The following ELMO1 variants were observed in gnomAD, a reference collection of about 807,000 sequenced individuals.
The protein encoded by ELMO1 is engulfment and cell motility 1.
Under a neutral mutation model 98.9 loss-of-function variants are expected in ELMO1, and 26 were observed. The observed-to-expected ratio is 0.26, with a 90% CI of 0.19 to 0.36. The LOEUF (loss-of-function observed/expected upper bound fraction) is 0.36. Ranked by LOEUF, ELMO1 falls within the 10% of genes least tolerant of loss-of-function variation. ELMO1 has a pLI of 1.00. For missense variants in ELMO1, 627 were observed against 935.2 expected (o/e 0.67, Z 4.30); for synonymous variants, 346 against 346.0 (o/e 1.00, Z 0.00).
chr7:36,945,964 C>T (rs117480627), intron 16 of ELMO1, among the ~76,000 whole-genome samples: 2,409 of 152,284 alleles, frequency 0.016, 29 homozygotes, highest in Admixed American at 0.028. Context: ...TGAAAGGCAT[C>T]GGAGGTAGGT....
chr7:37,059,908 C>A (rs1796580980), intron 15 of ELMO1, among the ~76,000 whole-genome samples: 1 of 152,178 alleles, frequency 6.6e-6, no homozygotes, highest in Non-Finnish European at 1.5e-5. Flanking sequence ...ACACATGGGC[C>A]ACCTGTTGGC....
chr7:37,263,912 C>A (rs1796110935), intron 5 of ELMO1, among the ~76,000 whole-genome samples: 1 of 152,106 alleles, frequency 6.6e-6, no homozygotes, highest in Admixed American at 6.6e-5. Context: ...ATGTAAATAT[C>A]GGAGATGGAT....
chr7:37,063,195 G>A (rs1314963144), intron 15 of ELMO1, among the ~76,000 whole-genome samples: 6 of 152,210 alleles, frequency 3.9e-5, no homozygotes, highest in African/African-American at 1.2e-4. Flanking sequence ...CAAGTCTTAT[G>A]TGATTGTCAT....
intron 15 of ELMO1, among the ~76,000 whole-genome samples, chr7:37,055,044 C>T (rs1330774409): frequency 6.6e-6 from 1 of 152,200 alleles, no homozygotes; most frequent in African/African-American, 2.4e-5. Context: ...TTCTAAAAAG[C>T]TTATCATTTA....
chr7:37,086,328 G>C (rs1783768679), intron 15 of ELMO1, among the ~76,000 whole-genome samples: 1 of 133,906 alleles, frequency 7.5e-6, no homozygotes, highest in South Asian at 2.5e-4. Context: ...AACAATACAT[G>C]ACTGTGTGTG....
intron 15 of ELMO1, among the ~76,000 whole-genome samples, chr7:37,030,135 GGA>G (rs1057189071): frequency 6.6e-6 from 1 of 152,032 alleles, no homozygotes; most frequent in Non-Finnish European, 1.5e-5. Flanking sequence ...TCTTCACTAA[GGA>G]GAGACCATTT....
chr7:37,173,542 G>A (rs1194197608), intron 13 of ELMO1, among the ~76,000 whole-genome samples: 1 of 152,216 alleles, frequency 6.6e-6, no homozygotes, highest in Non-Finnish European at 1.5e-5. Flanking sequence ...CCTAGTCCAT[G>A]CTGCTGTTTC....
intron 16 of ELMO1, among the ~76,000 whole-genome samples, chr7:36,971,864 G>GAATTA (rs1170269062): frequency 6.6e-6 from 1 of 152,090 alleles, no homozygotes; most frequent in Non-Finnish European, 1.5e-5. Flanking sequence ...ACTTTTCCAA[G>GAATTA]AATAAGACAG....
rs370994916 is a variant in ELMO1 at position 36,877,972 on chromosome 7, G to A, written c.1822+38C>T. Reference sequence around the variant, plus strand: ...TATTGTGACTAGGAAACAACCAACCGACCACCACTCAGGCCTCTGCCAAGG... The same window carrying A: ...TATTGTGACTAGGAAACAACCAACCAACCACCACTCAGGCCTCTGCCAAGG... On this transcript the variant is annotated intron_variant, in intron 19 of 21. Coordinates refer to ENST00000310758, the MANE Select transcript of ELMO1 (RefSeq NM_014800.11). 119 of 1,515,998 alleles carry A rather than the reference G, an allele frequency of 7.8e-5. 1 individual carries two copies. In the South Asian group the frequency reaches 8.5e-4, roughly 11 times the overall value. The allele number at this position is 1,515,998 out of a possible 1,614,324, so 93.9% of individuals were successfully genotyped here.
chr7:36,913,887 G>T (rs1346280744), intron 16 of ELMO1, among the ~76,000 whole-genome samples: 1 of 152,140 alleles, frequency 6.6e-6, no homozygotes, highest in Non-Finnish European at 1.5e-5. Flanking sequence ...TATAGGACTT[G>T]GTAGTTCAGA....
chr7:37,173,898 C>G (rs1790343868), intron 13 of ELMO1, among the ~76,000 whole-genome samples: 1 of 152,190 alleles, frequency 6.6e-6, no homozygotes, highest in Admixed American at 6.5e-5. Flanking sequence ...CAAGCCCCAG[C>G]AATTCCAAGA....
intron 16 of ELMO1, among the ~76,000 whole-genome samples, chr7:37,009,608 T>C (rs1793405149): frequency 6.6e-6 from 1 of 151,964 alleles, no homozygotes; most frequent in Non-Finnish European, 1.5e-5. Flanking sequence ...CAAATCAAAA[T>C]TTTAAATTGA....
intron 15 of ELMO1, among the ~76,000 whole-genome samples, chr7:37,040,636 G>A (rs982383794): frequency 1.3e-5 from 2 of 152,148 alleles, no homozygotes; most frequent in South Asian, 2.1e-4. Context: ...TATGTTTCAC[G>A]CACAATGTTA....
intron 4 of ELMO1, among the ~76,000 whole-genome samples, chr7:37,275,464 T>C (rs892909059): frequency 1.3e-5 from 2 of 152,252 alleles, no homozygotes; most frequent in African/African-American, 2.4e-5. Flanking sequence ...GCTCAATTCC[T>C]GCTCTGCTTC....
chr7:37,422,591 G>GT (rs1199503259), intron 1 of ELMO1, among the ~76,000 whole-genome samples: 1 of 152,162 alleles, frequency 6.6e-6, no homozygotes, highest in East Asian at 1.9e-4. Flanking sequence ...AATTTTAAAT[G>GT]TTTTGATGGA....
chr7:37,413,485 T>C (rs1804079652), intron 1 of ELMO1, among the ~76,000 whole-genome samples: 1 of 152,200 alleles, frequency 6.6e-6, no homozygotes, highest in South Asian at 2.1e-4. Context: ...TACCAGTTGG[T>C]ACAACCTGGC....
At chr7:37,039,871 A>C (rs1795401433) in intron 15 of ELMO1, among the ~76,000 whole-genome samples, 2 of 152,250 alleles carry the variant, frequency 1.3e-5, no homozygotes. Context: ...GATCCAGAAT[A>C]ATTAAAAAGT....
intron 13 of ELMO1, among the ~76,000 whole-genome samples, chr7:37,209,175 G>A (rs1792819958): frequency 6.6e-6 from 1 of 152,128 alleles, no homozygotes; most frequent in Non-Finnish European, 1.5e-5. Flanking sequence ...GAATACCCTG[G>A]TCATCTCACA....
chr7:37,255,894 C>T (rs920524967), intron 6 of ELMO1, among the ~76,000 whole-genome samples: 1 of 152,114 alleles, frequency 6.6e-6, no homozygotes, highest in East Asian at 1.9e-4. Context: ...TCACCAGAAG[C>T]CGTGGGGGGT....
Sources: allele counts gnomAD v4.1 joint callset (sites outside exome capture counted in the v4.1 genomes callset), GRCh38; gene constraint gnomAD v4.1.1; transcripts MANE v1.5; gene names NCBI Gene and HGNC (gene_info 2026-07-23, HGNC 2026-07-21).